CDK14: variants seen among roughly 807,000 people sequenced by gnomAD.
The protein encoded by CDK14 is cyclin dependent kinase 14.
CDK14 carries 34 observed loss-of-function variants against 60.7 expected under a neutral mutation model. The ratio of observed to expected loss-of-function variants is 0.56; its 90% CI spans 0.43 to 0.75. The LOEUF is 0.75. Among genes scored for constraint, CDK14 ranks in the 30% least tolerant of loss-of-function variants. The pLI is 0.00. For missense variants in CDK14, 482 were observed against 564.1 expected (o/e 0.85, Z 1.47); for synonymous variants, 197 against 203.7 (o/e 0.97, Z 0.28).
intron 6 of CDK14, among the ~76,000 whole-genome samples, chr7:90,878,457 C>A (rs1791635598): frequency 6.6e-6 from 1 of 152,144 alleles, no homozygotes; most frequent in African/African-American, 2.4e-5. Flanking sequence ...CTTCCTTTGT[C>A]CAGTCTTGCT....
chr7:91,182,919 A>G (rs905555998), intron 14 of CDK14, among the ~76,000 whole-genome samples: 4 of 152,208 alleles, frequency 2.6e-5, no homozygotes, highest in Non-Finnish European at 5.9e-5. Context: ...ATTTTTCACC[A>G]GAGAGGGAAA....
intron 5 of CDK14, among the ~76,000 whole-genome samples, chr7:90,830,802 T>G (rs1337199275): frequency 6.6e-6 from 1 of 152,220 alleles, no homozygotes; most frequent in Non-Finnish European, 1.5e-5. Context: ...CCAGATATCC[T>G]AATTCATCTT....
intron 2 of CDK14, among the ~76,000 whole-genome samples, chr7:90,698,963 G>C (rs1801725162): frequency 6.6e-6 from 1 of 152,196 alleles, no homozygotes; most frequent in Non-Finnish European, 1.5e-5. Flanking sequence ...AGAAGAGACT[G>C]TGCACTGAAC....
chr7:90,730,013 A>C (rs759603779), intron 3 of CDK14, among the ~76,000 whole-genome samples: 2 of 151,906 alleles, frequency 1.3e-5, no homozygotes, highest in Non-Finnish European at 2.9e-5. Flanking sequence ...TCCTAATGCT[A>C]TCCCTCCCCT....
At chr7:90,929,388 G>T (rs971612542) in intron 8 of CDK14, among the ~76,000 whole-genome samples, 1 of 152,160 alleles carries the variant, frequency 6.6e-6, no homozygotes, top group Admixed American at 6.5e-5. Context: ...TCATTGTCTT[G>T]CATATTTCAT....
chr7:90,861,541 C>T (rs1286355871), intron 5 of CDK14, among the ~76,000 whole-genome samples: 1 of 151,980 alleles, frequency 6.6e-6, no homozygotes, highest in Non-Finnish European at 1.5e-5. Flanking sequence ...GCACTGGATG[C>T]AATAAAGGAG....
At chr7:90,915,130 A>T (rs1793034902) in intron 7 of CDK14, among the ~76,000 whole-genome samples, 1 of 152,128 alleles carries the variant, frequency 6.6e-6, no homozygotes. Flanking sequence ...GGCAAAGGGA[A>T]GAGAGGGCTT....
intron 10 of CDK14, among the ~76,000 whole-genome samples, chr7:90,986,037 A>G (rs1393889490): frequency 6.6e-6 from 1 of 152,104 alleles, no homozygotes; most frequent in African/African-American, 2.4e-5. Context: ...TTGGACATAT[A>G]TCTTCTATAG....
chr7:90,895,404 T>C (rs1372254575), intron 6 of CDK14, among the ~76,000 whole-genome samples: 151 of 11,650 alleles, frequency 0.013, 1 homozygote, highest in South Asian at 0.031. Flanking sequence ...TCCTCTCCTC[T>C]CCTCTCCTCT....
intron 2 of CDK14, chr7:90,710,660 T>G: frequency 1.9e-6 from 1 of 532,834 alleles, no homozygotes; most frequent in Non-Finnish European, 2.4e-6. Flanking sequence ...AAGTGCCAGC[T>G]CTAATAGTAG....
chr7:91,179,360 G>C (rs574995050), intron 14 of CDK14, among the ~76,000 whole-genome samples: 5 of 121,850 alleles, frequency 4.1e-5, no homozygotes, highest in Admixed American at 9.1e-5. Flanking sequence ...GTTGTGGGGT[G>C]GGGGGAGGGA....
intron 5 of CDK14, among the ~76,000 whole-genome samples, chr7:90,811,713 A>C (rs1420219414): frequency 1.3e-5 from 2 of 152,050 alleles, no homozygotes; most frequent in East Asian, 3.9e-4. Context: ...TTCGCAATCT[A>C]CTCATCTGAC....
intron 12 of CDK14, among the ~76,000 whole-genome samples, chr7:91,089,521 A>G (rs1798740424): frequency 6.6e-6 from 1 of 151,618 alleles, no homozygotes; most frequent in South Asian, 2.1e-4. Context: ...ATGCATCTTC[A>G]CATATGTGTA....
At chr7:91,026,445 G>C (rs1397949837) in intron 10 of CDK14, among the ~76,000 whole-genome samples, 1 of 152,162 alleles carries the variant, frequency 6.6e-6, no homozygotes, top group Admixed American at 6.5e-5. Context: ...CACAAGACAG[G>C]ATAGTCTTAT....
intron 11 of CDK14, among the ~76,000 whole-genome samples, chr7:91,063,452 T>C (rs1272114055): frequency 6.6e-6 from 1 of 152,238 alleles, no homozygotes; most frequent in Non-Finnish European, 1.5e-5. Flanking sequence ...CATGCAGCAC[T>C]GGCAGAGAGC....
chr7:91,119,544 C>T (rs774704240), intron 14 of CDK14, among the ~76,000 whole-genome samples: 1 of 152,140 alleles, frequency 6.6e-6, no homozygotes, highest in South Asian at 2.1e-4. Context: ...TGCAGCATTG[C>T]AGTAGTTCCT....
At chr7:90,679,183 C>T (rs1004853131) in intron 2 of CDK14, among the ~76,000 whole-genome samples, 2 of 152,104 alleles carry the variant, frequency 1.3e-5, no homozygotes, top group Non-Finnish European at 2.9e-5. Context: ...AATTCCTGGG[C>T]TCAAGTAATC....
At chr7:90,627,999 T>G (rs1293624597) in intron 2 of CDK14, among the ~76,000 whole-genome samples, 3 of 152,158 alleles carry the variant, frequency 2.0e-5, no homozygotes, top group Non-Finnish European at 4.4e-5. Flanking sequence ...GCTCTACTAG[T>G]CCAGAGTACA....
rs73222729 is a variant in CDK14 at position 90,838,036 on chromosome 7, C to G, written c.545-25139C>G. On this transcript the variant is annotated intron_variant, in intron 5 of 14. Coordinates refer to ENST00000380050, the MANE Select transcript of CDK14 (RefSeq NM_001287135.2). ...ACACTCACCAAAGTTCCCTCTGCTG[C>G]AACGGGTATGACGGTGGTCGAGTGT... Among the ~76,000 whole-genome samples the G allele has an allele frequency of 3.7e-3, 558 of 152,218 alleles. 3 individuals are homozygous for G. The highest frequency in any genetic ancestry group is 5.9e-3 in the Non-Finnish European group (398 of 68,016).
Sources: gnomAD v4.1 joint callset for allele counts (sites outside exome capture counted in the v4.1 genomes callset) on GRCh38, gnomAD v4.1.1 for gene constraint, MANE v1.5 for transcripts, NCBI Gene and HGNC (gene_info 2026-07-23, HGNC 2026-07-21) for gene names.